The following HIRA variants were observed in gnomAD, a reference collection of about 807,000 sequenced individuals.
HIRA encodes histone cell cycle regulator.
HIRA carries 13 observed loss-of-function variants against 126.6 expected under a neutral mutation model. The ratio of observed to expected loss-of-function variants is 0.10; its 90% confidence interval spans 0.07 to 0.16. The LOEUF (loss-of-function observed/expected upper bound fraction) is 0.16. Among genes scored for constraint, HIRA ranks in the 10% least tolerant of loss-of-function variants. The probability of loss-of-function intolerance (pLI) is 1.00; values close to 1 mark genes in which losing one functional copy is unlikely to be tolerated. For missense variants in HIRA, 834 were observed against 1,314.4 expected (o/e 0.63, Z 5.65); for synonymous variants, 511 against 520.0 (o/e 0.98, Z 0.24).
intron 2 of HIRA, among the ~76,000 whole-genome samples, 161 bp downstream of exon 2, chr22:19,410,555 A>G (rs929857783): frequency 6.6e-6 from 1 of 152,244 alleles, no homozygotes; most frequent in Non-Finnish European, 1.5e-5. Flanking sequence ...AAGGATTTTG[A>G]TTTTATTCAT....
intron 7 of HIRA, among the ~76,000 whole-genome samples, chr22:19,394,777 A>G (rs2089209641): frequency 6.6e-6 from 1 of 152,170 alleles, no homozygotes; most frequent in Non-Finnish European, 1.5e-5. Context: ...CCCTGAGGAG[A>G]TCTGCAGGAA....
At chr22:19,403,085 T>C (rs1349523906) in intron 5 of HIRA, among the ~76,000 whole-genome samples, 3 of 126,190 alleles carry the variant, frequency 2.4e-5, no homozygotes, top group Non-Finnish European at 4.8e-5. Flanking sequence ...CTGGGTGACA[T>C]AGTGAGACAC....
At chr22:19,425,608 T>C (rs1296102468) in intron 1 of HIRA, among the ~76,000 whole-genome samples, 1 of 152,182 alleles carries the variant, frequency 6.6e-6, no homozygotes, top group Non-Finnish European at 1.5e-5. Context: ...TTTCAACCAC[T>C]TCTTAGAGTA....
At chr22:19,398,624 A>C (rs2089242672) in intron 5 of HIRA, among the ~76,000 whole-genome samples, 1 of 152,198 alleles carries the variant, frequency 6.6e-6, no homozygotes, top group Admixed American at 6.5e-5. Context: ...CTCCAAACAG[A>C]ATTATTCACA....
At chr22:19,346,369 G>A (rs2088686987) in intron 24 of HIRA, among the ~76,000 whole-genome samples, 1 of 152,250 alleles carries the variant, frequency 6.6e-6, no homozygotes, top group Non-Finnish European at 1.5e-5. Context: ...ATAAAAGAGT[G>A]TTGATAAATA....
intron 1 of HIRA, among the ~76,000 whole-genome samples, chr22:19,423,082 G>A (rs1325828582): frequency 1.3e-5 from 2 of 151,976 alleles, no homozygotes; most frequent in Non-Finnish European, 2.9e-5. Flanking sequence ...TGTGGATCCC[G>A]AGAGCCCTCC....
At chr22:19,391,056 G>A (rs1314289220) in intron 9 of HIRA, among the ~76,000 whole-genome samples, 3 of 151,684 alleles carry the variant, frequency 2.0e-5, no homozygotes, top group Admixed American at 2.0e-4. Context: ...GTTCATATCA[G>A]CTTTAGTCAT....
chr22:19,364,440 C>T (rs540687372), intron 15 of HIRA, among the ~76,000 whole-genome samples: 57 of 152,294 alleles, frequency 3.7e-4, no homozygotes, highest in South Asian at 3.1e-3. Context: ...GGCAACCCTG[C>T]ATCAAGCAAG....
chr22:19,373,937 T>TTTTTTTTTTTTTTTTTG, intron 15 of HIRA, among the ~76,000 whole-genome samples: 1 of 151,522 alleles, frequency 6.6e-6, no homozygotes, highest in African/African-American at 2.4e-5. Flanking sequence ...CTGGCTTTTT[T>TTTTTTTTTTTTTTTTTG]GTTCACTCTT....
chr22:19,374,397 C>T (rs1185785448), intron 15 of HIRA, among the ~76,000 whole-genome samples: 1 of 152,142 alleles, frequency 6.6e-6, no homozygotes, highest in Admixed American at 6.5e-5. Flanking sequence ...AAGCGATCCT[C>T]CTGTCTTGGC....
intron 1 of HIRA, among the ~76,000 whole-genome samples, chr22:19,414,936 C>CTTATTTATTTATTTATTTATTTATTTAT (rs138847743): frequency 2.0e-5 from 3 of 150,684 alleles, no homozygotes; most frequent in South Asian, 2.1e-4. Flanking sequence ...ACAACACAAA[C>CTTATTTATTTATTTATTTATTTATTTAT]TTATTTATTT....
chr22:19,348,263 T>C (rs911212055), intron 24 of HIRA, among the ~76,000 whole-genome samples: 15 of 152,180 alleles, frequency 9.9e-5, no homozygotes, highest in African/African-American at 3.6e-4. Context: ...AATAAATTTT[T>C]CAAATACTAT....
chr22:19,388,713 C>A (rs2089149909), intron 9 of HIRA, among the ~76,000 whole-genome samples, 159 bp from the exon 10 acceptor site: 1 of 152,246 alleles, frequency 6.6e-6, no homozygotes, highest in South Asian at 2.1e-4. Flanking sequence ...AGATCCCAAA[C>A]TGTGGGAACC....
intron 1 of HIRA, 94 bp downstream of exon 1, chr22:19,431,346 G>T (rs912316411): frequency 1.4e-6 from 2 of 1,403,852 alleles, no homozygotes; most frequent in Non-Finnish European, 1.0e-6. Flanking sequence ...GGGCGTCAGG[G>T]GCGAGACAGG....
At chr22:19,397,031 G>A (rs2089229588) in intron 6 of HIRA, 84 bp from the exon 7 acceptor site, 4 of 1,304,170 alleles carry the variant, frequency 3.1e-6, no homozygotes, top group Non-Finnish European at 4.3e-6. Context: ...GGATATGCAA[G>A]AGAGGGGACT....
At chr22:19,406,340 G>C (rs1242356929) in intron 4 of HIRA, among the ~76,000 whole-genome samples, 1 of 151,964 alleles carries the variant, frequency 6.6e-6, no homozygotes, top group African/African-American at 2.4e-5. Flanking sequence ...ACTTATGTTG[G>C]CTATTTAAAG....
chr22:19,378,447 T>C (rs1398630690), intron 13 of HIRA, among the ~76,000 whole-genome samples: 1 of 152,208 alleles, frequency 6.6e-6, no homozygotes, highest in African/African-American at 2.4e-5. Flanking sequence ...TAGATGGGTG[T>C]GCCATAATAT....
chr22:19,366,577 A>G (rs1190694274), intron 15 of HIRA, among the ~76,000 whole-genome samples: 3 of 152,200 alleles, frequency 2.0e-5, no homozygotes, highest in African/African-American at 7.2e-5. Flanking sequence ...AAAAGTCATT[A>G]CACATGTGGT....
intron 1 of HIRA, among the ~76,000 whole-genome samples, chr22:19,411,987 T>C (rs2089356541): frequency 6.6e-6 from 1 of 152,256 alleles, no homozygotes; most frequent in African/African-American, 2.4e-5. Flanking sequence ...AAATCAAGCA[T>C]GAACTTGAGA....
Sources: gnomAD v4.1 joint callset for allele counts (sites outside exome capture counted in the v4.1 genomes callset) on GRCh38, gnomAD v4.1.1 for gene constraint, MANE v1.5 for transcripts, NCBI Gene and HGNC (gene_info 2026-07-23, HGNC 2026-07-21) for gene names.